NMNAT1: variants seen among roughly 807,000 people sequenced by gnomAD.
NMNAT1 encodes nicotinamide nucleotide adenylyltransferase 1, also known as nicotinamide/nicotinic acid mononucleotide adenylyltransferase 1.
NMNAT1 carries 11 observed loss-of-function variants against 16.7 expected under a neutral mutation model. That is an observed-to-expected ratio of 0.66 (90% CI 0.41 to 1.09). The LOEUF (loss-of-function observed/expected upper bound fraction) is 1.09. Ranked by LOEUF, NMNAT1 falls within the 50% of genes least tolerant of loss-of-function variation. NMNAT1 has a pLI of 0.00. For missense variants in NMNAT1, 280 were observed against 332.3 expected, an observed-to-expected ratio of 0.84 and a Z score of 1.22; for synonymous variants, 110 against 119.8, an observed-to-expected ratio of 0.92 and a Z score of 0.53.
intron 3 of NMNAT1, among the ~76,000 whole-genome samples, chr1:9,978,009 A>G (rs191413877): frequency 4.6e-5 from 7 of 152,254 alleles, no homozygotes; most frequent in Non-Finnish European, 5.9e-5. Flanking sequence ...AGTGGACTCC[A>G]GCGTCTAGCC....
intron 1 of NMNAT1, among the ~76,000 whole-genome samples, chr1:9,953,930 A>G (rs1278306756): frequency 7.1e-6 from 1 of 140,786 alleles, no homozygotes; most frequent in Admixed American, 7.6e-5. Context: ...CACAGTCCCC[A>G]TCGTAGCTGG....
chr1:9,973,457 C>T (rs1420970343), intron 2 of NMNAT1, among the ~76,000 whole-genome samples: 4 of 151,870 alleles, frequency 2.6e-5, no homozygotes, highest in African/African-American at 9.7e-5. Flanking sequence ...CCTGGAATCC[C>T]AGCACTTTGG....
At chr1:9,976,673 G>A (rs570582507) in intron 3 of NMNAT1, among the ~76,000 whole-genome samples, 2 of 151,910 alleles carry the variant, frequency 1.3e-5, no homozygotes, top group South Asian at 4.2e-4. Context: ...CACCCAGGCT[G>A]GAGTGCAGTG....
chr1:9,960,096 C>CAAATT (rs1641367975), intron 1 of NMNAT1, among the ~76,000 whole-genome samples: 2 of 152,080 alleles, frequency 1.3e-5, no homozygotes, highest in Non-Finnish European at 2.9e-5. Flanking sequence ...AACAGAATTA[C>CAAATT]TATTGTTTTC....
At chr1:9,995,156 G>A in the NMNAT1 span, among the ~76,000 whole-genome samples, 1 of 152,168 alleles carries the variant, frequency 6.6e-6, no homozygotes, top group Non-Finnish European at 1.5e-5. Context: ...CAGCACTTTG[G>A]GAGGCCAAGG....
chr1:9,973,625 G>A (rs1224708663), intron 2 of NMNAT1, among the ~76,000 whole-genome samples: 2 of 147,454 alleles, frequency 1.4e-5, no homozygotes, highest in Non-Finnish European at 3.0e-5. Flanking sequence ...GGAGGATGGC[G>A]TGAACCTGGG....
rs757724544 is a variant in NMNAT1, at chr1:9,982,393, G to A, written c.532G>A (p.Val178Met). The change falls in exon 5 of 5, where the codon GTG becomes ATG. Residue 178 changes from valine (V) to methionine (M), a missense_variant. Val to Met is a conservative substitution (Grantham distance 21). Transcript: ENST00000377205. ...GAAGAGTGAAGACATCACCCAAATC[G>A]TGGCCAACTATGGGCTCATATGTGT... ...LWKSEDITQI[V>M]ANYGLICVTR... 13 of 1,614,122 alleles carry A rather than the reference G, an allele frequency of 8.1e-6. 1 individual carries two copies. Among genetic ancestry groups the A allele is most frequent in the Middle Eastern group, 3.3e-4 (2 of 6,062 alleles).
At chr1:9,957,143 C>A in intron 1 of NMNAT1, among the ~76,000 whole-genome samples, 1 of 152,158 alleles carries the variant, frequency 6.6e-6, no homozygotes. Context: ...AATTCCCCTG[C>A]CTCAGCCTCC....
the NMNAT1 span, among the ~76,000 whole-genome samples, chr1:9,994,674 G>C: frequency 1.4e-5 from 2 of 143,428 alleles, no homozygotes; most frequent in African/African-American, 5.2e-5. Context: ...GTGCAATGGC[G>C]CGATCTCGGC....
chr1:9,947,007 A>C (rs1280409020), intron 1 of NMNAT1, among the ~76,000 whole-genome samples: 1 of 152,134 alleles, frequency 6.6e-6, no homozygotes, highest in Non-Finnish European at 1.5e-5. Flanking sequence ...TACACCATCT[A>C]TATGCAGATA....
At chr1:9,966,124 C>T (rs1557465908) in intron 1 of NMNAT1, among the ~76,000 whole-genome samples, 1 of 151,294 alleles carries the variant, frequency 6.6e-6, no homozygotes, top group East Asian at 1.9e-4. Flanking sequence ...CATGGTGAAA[C>T]CCCGTCTCTA....
chr1:9,992,148 T>C, the NMNAT1 span, among the ~76,000 whole-genome samples: 1 of 150,542 alleles, frequency 6.6e-6, no homozygotes, highest in South Asian at 2.1e-4. Flanking sequence ...AATGGTTCCA[T>C]CACGGCTGAC....
In NMNAT1 at chr1:9,975,660, C is replaced by A. The variant is rs765892459; in HGVS notation, c.184C>A (p.Pro62Thr). Residue 62 changes from proline to threonine, a missense_variant, in exon 3 of 5, where the codon CCT becomes ACT. Physicochemically the swap from Pro to Thr is conservative, Grantham distance 38. Coordinates refer to ENST00000377205, the MANE Select transcript of NMNAT1 (RefSeq NM_022787.4). ...TGCCTACAAGAAGAAAGGACTCATT[C>A]CTGCCTATCACCGGGTCATCATGGC... is the stretch of plus-strand genomic sequence containing the variant. ...GDAYKKKGLI[P>T]AYHRVIMAEL... 15 of 1,613,818 alleles carry A rather than the reference C, an allele frequency of 9.3e-6. No individual in the cohort carries two copies. In the African/African-American group the frequency reaches 1.3e-4, roughly 14 times the overall value.
chr1:9,976,258 G>T (rs1166028950), intron 3 of NMNAT1, among the ~76,000 whole-genome samples: 1 of 148,748 alleles, frequency 6.7e-6, no homozygotes, highest in African/African-American at 2.5e-5. Context: ...CTGCACTCCA[G>T]CCTGGGTGAC....
the NMNAT1 span, among the ~76,000 whole-genome samples, chr1:9,990,660 T>A: frequency 6.6e-6 from 1 of 152,098 alleles, no homozygotes; most frequent in Non-Finnish European, 1.5e-5. Flanking sequence ...CACCACAAGG[T>A]CCATGCCAGT....
downstream of NMNAT1, among the ~76,000 whole-genome samples, chr1:9,986,060 G>A (rs1642041814): frequency 6.6e-6 from 1 of 152,040 alleles, no homozygotes; most frequent in South Asian, 2.1e-4. Flanking sequence ...CTGTCACCTC[G>A]GTTTCAGAAC....
chr1:9,957,295 C>T (rs1294647354), intron 1 of NMNAT1, among the ~76,000 whole-genome samples: 1 of 152,166 alleles, frequency 6.6e-6, no homozygotes, highest in East Asian at 1.9e-4. Flanking sequence ...TCCCAAAGTG[C>T]TGGGATTACA....
At chr1:9,986,342 C>T (rs1642044663), downstream of NMNAT1, among the ~76,000 whole-genome samples, 1 of 152,192 alleles carries the variant, frequency 6.6e-6, no homozygotes, top group Admixed American at 6.5e-5. Context: ...TCTTTTAAAG[C>T]AAATCCCAAA....
downstream of NMNAT1, among the ~76,000 whole-genome samples, chr1:9,987,307 C>T (rs1366012018): frequency 6.6e-6 from 1 of 152,116 alleles, no homozygotes; most frequent in Admixed American, 6.6e-5. Context: ...CCAGCATGAG[C>T]AACAGAGTGA....
Sources: allele counts gnomAD v4.1 joint callset (sites outside exome capture counted in the v4.1 genomes callset), GRCh38; gene constraint gnomAD v4.1.1; transcripts MANE v1.5; gene names NCBI Gene and HGNC (gene_info 2026-07-23, HGNC 2026-07-21).